The following CTNNA3 variants were observed in gnomAD, a reference collection of about 807,000 sequenced individuals.
The protein encoded by CTNNA3 is catenin alpha-3.
CTNNA3 carries 76 observed loss-of-function variants against 95.7 expected under a neutral mutation model. That is an observed-to-expected ratio of 0.79 (90% CI 0.66 to 0.96). CTNNA3 has a LOEUF of 0.96. Ranked by LOEUF, CTNNA3 falls within the 40% of genes least tolerant of loss-of-function variation. CTNNA3 has a pLI of 0.00. For missense variants in CTNNA3, 1,191 were observed against 1,089.8 expected, an observed-to-expected ratio of 1.09 and a Z score of -1.31; for synonymous variants, 431 against 374.4, an observed-to-expected ratio of 1.15 and a Z score of -1.74.
At chr10:66,907,646 G>T (rs151212698) in intron 7 of CTNNA3, among the ~76,000 whole-genome samples, 1 of 152,018 alleles carries the variant, frequency 6.6e-6, no homozygotes, top group Non-Finnish European at 1.5e-5. Flanking sequence ...ATGAGTTTGC[G>T]CAATGATTTA....
chr10:66,088,831 A>C (rs1411268696), intron 14 of CTNNA3, among the ~76,000 whole-genome samples: 1 of 152,096 alleles, frequency 6.6e-6, no homozygotes, highest in African/African-American at 2.4e-5. Context: ...GACAACAATT[A>C]ACATACTTAC....
chr10:66,447,455 T>A (rs866160253), intron 11 of CTNNA3, among the ~76,000 whole-genome samples: 7 of 135,324 alleles, frequency 5.2e-5, no homozygotes, highest in Admixed American at 2.2e-4. Context: ...CAAAACAGCA[T>A]GGTACTGGTA....
intron 11 of CTNNA3, among the ~76,000 whole-genome samples, chr10:66,457,431 G>C (rs1197730753): frequency 6.6e-6 from 1 of 152,010 alleles, no homozygotes; most frequent in African/African-American, 2.4e-5. Flanking sequence ...GCAGTGACTA[G>C]AACACTCCTA....
intron 7 of CTNNA3, among the ~76,000 whole-genome samples, chr10:66,795,883 T>A (rs1239577012): frequency 6.6e-6 from 1 of 152,148 alleles, no homozygotes; most frequent in Non-Finnish European, 1.5e-5. Context: ...TGAACCAACT[T>A]TTGCTACCTT....
intron 7 of CTNNA3, among the ~76,000 whole-genome samples, chr10:66,877,681 A>G (rs1180883583): frequency 6.6e-6 from 1 of 152,104 alleles, no homozygotes; most frequent in Non-Finnish European, 1.5e-5. Flanking sequence ...ACCATTCTCA[A>G]TTACTGACTT....
chr10:66,328,903 C>CACATATACAT (rs1554934972), intron 12 of CTNNA3, among the ~76,000 whole-genome samples: 1 of 38,766 alleles, frequency 2.6e-5, no homozygotes, highest in African/African-American at 6.0e-5. Context: ...CACACACACA[C>CACATATACAT]ATATATACAT....
intron 5 of CTNNA3, among the ~76,000 whole-genome samples, chr10:67,416,310 T>C (rs1176147775): frequency 6.6e-6 from 1 of 151,552 alleles, no homozygotes; most frequent in East Asian, 2.0e-4. Context: ...ATAACCCCAT[T>C]AAAAAGTGGA....
chr10:67,010,919 A>T (rs978593319), intron 7 of CTNNA3, among the ~76,000 whole-genome samples: 48 of 152,336 alleles, frequency 3.2e-4, no homozygotes, highest in African/African-American at 1.1e-3. Flanking sequence ...AATTGAATTG[A>T]CATTTTCAAA....
At chr10:66,074,202 A>G (rs527694983) in intron 14 of CTNNA3, among the ~76,000 whole-genome samples, 3 of 147,556 alleles carry the variant, frequency 2.0e-5, no homozygotes, top group Admixed American at 7.0e-5. Context: ...ATTGCTCTAT[A>G]CAGATATTAT....
intron 12 of CTNNA3, among the ~76,000 whole-genome samples, chr10:66,368,310 C>A (rs1201869577): frequency 6.6e-6 from 1 of 152,030 alleles, no homozygotes; most frequent in African/African-American, 2.4e-5. Flanking sequence ...CAGAAACTCA[C>A]AGCTCCTCAG....
At chr10:66,338,870 AG>A in intron 12 of CTNNA3, among the ~76,000 whole-genome samples, 1 of 152,060 alleles carries the variant, frequency 6.6e-6, no homozygotes, top group East Asian at 1.9e-4. Context: ...TAACTACAGA[AG>A]AAAATGTTAC....
At position 67,723,850 on chromosome 10, in the gene CTNNA3, G is replaced by A. The variant is rs72472099; in HGVS notation, c.-2+39584C>T. 0.033 allele frequency among the ~76,000 whole-genome samples: 5,032 copies of A among 151,974 alleles called. 598 individuals are homozygous for A. In the East Asian group the frequency reaches 0.44, roughly 13 times the overall value. ...CCACGTCTTTCTCGGTATGCTATGG[G>A]GCTTCTCCAAAGCCAGAAATGACAC... is the stretch of plus-strand genomic sequence containing the variant. On this transcript the variant is annotated intron_variant, in intron 1 of 17. Coordinates refer to the CTNNA3 transcript ENST00000684154.
At chr10:66,018,338 A>T (rs1564581349) in intron 15 of CTNNA3, among the ~76,000 whole-genome samples, 1 of 152,096 alleles carries the variant, frequency 6.6e-6, no homozygotes, top group Non-Finnish European at 1.5e-5. Context: ...TCAGTAAAGC[A>T]TTGTACTACT....
At chr10:66,609,606 T>C (rs1188465737) in intron 10 of CTNNA3, among the ~76,000 whole-genome samples, 1 of 151,716 alleles carries the variant, frequency 6.6e-6, no homozygotes, top group East Asian at 1.9e-4. Context: ...AAATAACAGA[T>C]GCTAGCAAGG....
At chr10:66,217,215 G>A (rs984503205) in intron 13 of CTNNA3, among the ~76,000 whole-genome samples, 6 of 151,966 alleles carry the variant, frequency 3.9e-5, no homozygotes, top group East Asian at 1.9e-4. Context: ...TTAGCTGGGC[G>A]TGGTGGTGGG....
chr10:67,584,907 C>G (rs1379390892), intron 3 of CTNNA3, among the ~76,000 whole-genome samples: 1 of 152,206 alleles, frequency 6.6e-6, no homozygotes, highest in Non-Finnish European at 1.5e-5. Flanking sequence ...TTTGCTAAGA[C>G]CATTGGAAAA....
chr10:66,322,141 G>A (rs967699360), intron 12 of CTNNA3, among the ~76,000 whole-genome samples: 3 of 152,092 alleles, frequency 2.0e-5, no homozygotes, highest in African/African-American at 7.2e-5. Context: ...AACCATTGAA[G>A]AGCTCTAAGT....
intron 10 of CTNNA3, among the ~76,000 whole-genome samples, chr10:66,585,121 T>G (rs1179755346): frequency 6.6e-6 from 1 of 152,052 alleles, no homozygotes; most frequent in Non-Finnish European, 1.5e-5. Flanking sequence ...AATTTTTTCC[T>G]TCATGTTGAC....
At chr10:66,171,827 AC>A (rs1017792313) in intron 13 of CTNNA3, among the ~76,000 whole-genome samples, 1 of 152,148 alleles carries the variant, frequency 6.6e-6, no homozygotes, top group Non-Finnish European at 1.5e-5. Context: ...CATACTTAGT[AC>A]AATTAAACCA....
Sources: gnomAD v4.1 joint callset for allele counts (sites outside exome capture counted in the v4.1 genomes callset) on GRCh38, gnomAD v4.1.1 for gene constraint, MANE v1.5 for transcripts, NCBI Gene and HGNC (gene_info 2026-07-23, HGNC 2026-07-21) for gene names.